C2orf74: variants seen among roughly 807,000 people sequenced by gnomAD.
The protein encoded by C2orf74 is DPM1 ER membrane anchor 1.
A neutral mutation model predicts 17.9 loss-of-function variants in C2orf74; 14 were observed. That is an observed-to-expected ratio of 0.78 (90% CI 0.52 to 1.22). C2orf74 has a LOEUF of 1.22. Among genes scored for constraint, C2orf74 ranks in the 50% most tolerant of loss-of-function variants. The pLI is 0.00. For missense variants in C2orf74, 217 were observed against 218.4 expected (o/e 0.99, Z 0.04); for synonymous variants, 79 against 72.6 (o/e 1.09, Z -0.44).
At position 61,155,800 on chromosome 2, in the gene C2orf74, G is replaced by A. The variant is rs573518857; in HGVS notation, c.-121-7042G>A. ...CTCCCAAAATGCTGGGATTACAGGC[G>A]TGAGCCACCGTGCCCGGCCCCAGAA... On this transcript the variant is annotated intron_variant, in intron 1 of 3. Transcript: ENST00000426997. 3.1e-3 allele frequency among the ~76,000 whole-genome samples: 476 copies of A among 151,550 alleles called. 1 individual carries two copies. Among genetic ancestry groups the A allele is most frequent in the African/African-American group, 0.011 (442 of 41,266 alleles).
In C2orf74 at chr2:61,149,552, C is replaced by T. The variant is rs550329056; in HGVS notation, c.-122+4356C>T. 1.8e-4 allele frequency among the ~76,000 whole-genome samples: 22 copies of T among 119,938 alleles called. No individual in the cohort carries two copies. The East Asian group carries it at 3.1e-3, about 17-fold the overall frequency. The allele number at this position is 119,938 out of a possible 152,430, so 78.7% of individuals were successfully genotyped here. ...TGTGGACTTTCTGGGCCAAGTTCCC[C>T]GTCTAGATGTTGGGCGCCTTTCTTT... is the stretch of plus-strand genomic sequence containing the variant. On this transcript the variant is annotated intron_variant, in intron 1 of 3. Coordinates refer to the C2orf74 transcript ENST00000426997.
intron 1 of C2orf74, chr2:61,151,546 G>T (rs931856024): frequency 6.6e-6 from 1 of 151,592 alleles, no homozygotes; most frequent in Admixed American, 6.6e-5. Flanking sequence ...AGACTCATTT[G>T]GGGGAGAATC....
chr2:61,145,598 A>G (rs558032946), intron 1 of C2orf74, among the ~76,000 whole-genome samples: 3 of 151,886 alleles, frequency 2.0e-5, no homozygotes, highest in Admixed American at 1.3e-4. Context: ...TAATTTTTAT[A>G]TTTTTAGTAG....
At chr2:61,148,578 A>T (rs1399417528) in intron 1 of C2orf74, among the ~76,000 whole-genome samples, 1 of 152,216 alleles carries the variant, frequency 6.6e-6, no homozygotes, top group Non-Finnish European at 1.5e-5. Flanking sequence ...ATCTGACACT[A>T]ATGTTTATTA....
chr2:61,162,408 G>A lies in C2orf74; in HGVS notation c.-99-8G>A. 1.2e-6 allele frequency: 1 copy of A among 836,922 alleles called. No individual in the cohort carries two copies. The highest frequency in any genetic ancestry group is 1.9e-6 in the Non-Finnish European group (1 of 528,942). The allele number at this position is 836,922 out of a possible 1,614,324, so 51.8% of individuals were successfully genotyped here. On this transcript the variant is annotated splice_polypyrimidine_tract_variant and splice_region_variant and intron_variant, in intron 1 of 4. Coordinates refer to ENST00000432605, the MANE Select transcript of C2orf74 (RefSeq NM_001143959.4). ...AAAGAAAACAGCTTTTTATTCCTCT[G>A]TTTCTAGAAAACTTAAAGAACAAGA...
upstream of C2orf74, among the ~76,000 whole-genome samples, chr2:61,159,698 T>A (rs1685505887): frequency 6.6e-6 from 1 of 152,220 alleles, no homozygotes; most frequent in African/African-American, 2.4e-5. Flanking sequence ...GGGTGGAGAT[T>A]GAAATAAAAT....
chr2:61,157,836 AT>A (rs142784044), upstream of C2orf74: 1 of 469,130 alleles, frequency 2.1e-6, no homozygotes, highest in African/African-American at 2.0e-5. Context: ...TCATCCTGTA[AT>A]TCCTGGATCA....
At chr2:61,159,277 T>C (rs1573719040), upstream of C2orf74, 1 of 372,762 alleles carries the variant, frequency 2.7e-6, no homozygotes, top group South Asian at 2.1e-5. Flanking sequence ...ATTACAGGCG[T>C]GAGCCACCAC....
Position 61,163,109 on chromosome 2 carries a change from GAGAC to G in C2orf74, c.271_274del (p.Gln91ValfsTer9). ...CGATGAGGCCTGGCATTCTTGTCCAGAGACAGAGTAAGGAAGTGTTGGCCACACC... is the reference window on the plus strand; with the variant it reads ...CGATGAGGCCTGGCATTCTTGTCCAGAGAGTAAGGAAGTGTTGGCCACACC... On this transcript the variant is annotated frameshift_variant, in exon 4 of 5. Coordinates refer to ENST00000432605, the MANE Select transcript of C2orf74 (RefSeq NM_001143959.4). LOFTEE classifies it high-confidence loss of function. 1 of 1,552,212 alleles carries G rather than the reference GAGAC, an allele frequency of 6.4e-7. No individual in the cohort carries two copies. Among genetic ancestry groups the G allele is most frequent in the Non-Finnish European group, 8.7e-7 (1 of 1,147,088 alleles).
chr2:61,150,803 A>G (rs983187011), intron 1 of C2orf74, among the ~76,000 whole-genome samples: 1 of 152,144 alleles, frequency 6.6e-6, no homozygotes, highest in Non-Finnish European at 1.5e-5. Context: ...CAAGCTAAAC[A>G]TCTCAAGATT....
At chr2:61,157,545 A>G (rs754034546), upstream of C2orf74, among the ~76,000 whole-genome samples, 4 of 152,220 alleles carry the variant, frequency 2.6e-5, no homozygotes, top group African/African-American at 4.8e-5. Context: ...CACACAGCTG[A>G]AAGTCCAGCT....
chr2:61,164,052 T>TA (rs947559770), intron 4 of C2orf74, among the ~76,000 whole-genome samples: 6 of 152,232 alleles, frequency 3.9e-5, no homozygotes, highest in African/African-American at 1.4e-4. Flanking sequence ...ACAACTCACA[T>TA]ACCCTCCCAC....
At chr2:61,146,559 G>A (rs1448977636) in intron 1 of C2orf74, among the ~76,000 whole-genome samples, 1 of 152,180 alleles carries the variant, frequency 6.6e-6, no homozygotes, top group African/African-American at 2.4e-5. Flanking sequence ...AAAGGGGCCA[G>A]GTGCGGTGGC....
chr2:61,155,342 C>G (rs1355340661), intron 1 of C2orf74, among the ~76,000 whole-genome samples: 1 of 152,102 alleles, frequency 6.6e-6, no homozygotes. Context: ...CAATTTCTGT[C>G]TCATCACCAA....
upstream of C2orf74, chr2:61,159,282 C>T (rs1306717052): frequency 2.6e-6 from 1 of 379,494 alleles, no homozygotes; most frequent in Non-Finnish European, 5.1e-6. Context: ...AGGCGTGAGC[C>T]ACCACACCCA....
intron 4 of C2orf74, among the ~76,000 whole-genome samples, chr2:61,163,797 T>C (rs1184776043): frequency 6.6e-6 from 1 of 152,054 alleles, no homozygotes; most frequent in Non-Finnish European, 1.5e-5. Flanking sequence ...ATTTATGTTT[T>C]TCTTAATAAT....
intron 1 of C2orf74, among the ~76,000 whole-genome samples, chr2:61,152,635 G>T (rs1259665081): frequency 6.6e-6 from 1 of 151,778 alleles, no homozygotes; most frequent in Non-Finnish European, 1.5e-5. Context: ...GATTACCTGA[G>T]GTCAGGAGTT....
chr2:61,163,088 G>A lies in C2orf74; in HGVS notation c.246G>A (p.Met82Ile). 6.4e-7 allele frequency: 1 copy of A among 1,552,146 alleles called. No homozygotes were observed. The highest frequency in any genetic ancestry group is 8.7e-7 in the Non-Finnish European group (1 of 1,147,066). ...LMQVMNLNVPMRPGILVQRQS... is the reference protein window; with the variant it reads ...LMQVMNLNVPIRPGILVQRQS... ...AAGTCATGAACTTGAATGTGCCGAT[G>A]AGGCCTGGCATTCTTGTCCAGAGAC... is the stretch of plus-strand genomic sequence containing the variant. Residue 82 changes from methionine (M) to isoleucine (I), a missense_variant, in exon 4 of 5, where the codon ATG becomes ATA. Coordinates refer to ENST00000432605, the MANE Select transcript of C2orf74 (RefSeq NM_001143959.4).
At chr2:61,162,644 C>G in intron 2 of C2orf74, 35 bp downstream of exon 2, 2 of 1,314,606 alleles carry the variant, frequency 1.5e-6, no homozygotes, top group Non-Finnish European at 2.1e-6. Flanking sequence ...GATCAGATTT[C>G]AAGTCACATT....
Sources: gnomAD v4.1 joint callset for allele counts (sites outside exome capture counted in the v4.1 genomes callset) on GRCh38, gnomAD v4.1.1 for gene constraint, MANE v1.5 for transcripts, NCBI Gene and HGNC (gene_info 2026-07-23, HGNC 2026-07-21) for gene names.